The following AIG1 variants were observed in gnomAD, a reference collection of about 807,000 sequenced individuals.
AIG1 encodes the protein androgen-induced gene 1 protein.
In AIG1, 23 loss-of-function variants were observed where a neutral mutation model predicts 31.4. That is an observed-to-expected ratio of 0.73 (90% CI 0.53 to 1.04). AIG1 has a LOEUF of 1.04. Ranked by LOEUF, AIG1 falls within the 50% of genes least tolerant of loss-of-function variation. The pLI is 0.00. For missense variants in AIG1, 274 were observed against 295.0 expected, an observed-to-expected ratio of 0.93 and a Z score of 0.52; for synonymous variants, 100 against 110.5, an observed-to-expected ratio of 0.90 and a Z score of 0.60.
At chr6:143,120,960 A>G (rs1782188997) in intron 1 of AIG1, among the ~76,000 whole-genome samples, 1 of 152,272 alleles carries the variant, frequency 6.6e-6, no homozygotes, top group East Asian at 1.9e-4. Flanking sequence ...TTAATCCACA[A>G]ACAATAGCAT....
At chr6:143,207,860 T>TTCA in intron 3 of AIG1, among the ~76,000 whole-genome samples, 1 of 152,258 alleles carries the variant, frequency 6.6e-6, no homozygotes, top group African/African-American at 2.4e-5. Context: ...ACAGACATAA[T>TTCA]TCATTTTGCC....
intron 2 of AIG1, among the ~76,000 whole-genome samples, chr6:143,140,747 T>G (rs1245193688): frequency 7.2e-5 from 11 of 152,236 alleles, no homozygotes; most frequent in Admixed American, 7.2e-4. Context: ...ATAAAAATGC[T>G]TATCATGTGT....
At position 143,333,808 on chromosome 6, in the gene AIG1, A is replaced by T. The variant is rs1009140626; in HGVS notation, c.679+363A>T. ...GCTAAAGGGACCTCAAATTAAATAG[A>T]TACATTATTAAATGTAACCAATCTC... On this transcript the variant is annotated intron_variant, in intron 5 of 5. Coordinates refer to ENST00000357847, the MANE Select transcript of AIG1 (RefSeq NM_016108.4). This position sits in a 1 kb window ranked among gnomAD's most constrained non-coding sequence, Gnocchi z 4.6. Among the ~76,000 whole-genome samples, 1 of 152,164 alleles carries T rather than the reference A, an allele frequency of 6.6e-6. No individual in the cohort carries two copies. The highest frequency in any genetic ancestry group is 1.5e-5 in the Non-Finnish European group (1 of 68,034).
chr6:143,342,368 C>T (rs566984587), downstream of AIG1: 61 of 678,050 alleles, frequency 9.0e-5, 1 homozygote, highest in African/African-American at 9.6e-4. Context: ...TGCTTAGACG[C>T]AGGTTTAACT....
intron 2 of AIG1, among the ~76,000 whole-genome samples, chr6:143,143,203 TA>T (rs1388375251): frequency 3.3e-5 from 5 of 151,292 alleles, no homozygotes; most frequent in African/African-American, 9.7e-5. Flanking sequence ...AGGGGGAAAT[TA>T]AAAAAAATAA....
At chr6:143,209,325 G>T (rs910170893) in intron 3 of AIG1, among the ~76,000 whole-genome samples, 5 of 152,168 alleles carry the variant, frequency 3.3e-5, no homozygotes, top group African/African-American at 1.2e-4. Flanking sequence ...CCTAATCCCC[G>T]GAACTTGTGA....
chr6:143,188,186 C>T (rs1789447814), intron 3 of AIG1: 1 of 996,440 alleles, frequency 1.0e-6, no homozygotes, highest in Non-Finnish European at 1.2e-6. Flanking sequence ...TCTCTCTTTA[C>T]TCGTAAGCTG....
At chr6:143,157,450 CCT>C (rs1491520441) in intron 2 of AIG1, among the ~76,000 whole-genome samples, 1 of 116,470 alleles carries the variant, frequency 8.6e-6, no homozygotes, top group South Asian at 2.6e-4. Flanking sequence ...TTTTTTTTTT[CCT>C]TTTTTTTTTT....
chr6:143,305,189 A>C (rs1245654018), intron 4 of AIG1, among the ~76,000 whole-genome samples: 6 of 152,110 alleles, frequency 3.9e-5, no homozygotes, highest in Admixed American at 3.9e-4. Flanking sequence ...TCCTGGATTC[A>C]TTAATTTTTT....
chr6:143,308,176 C>T (rs2208818), intron 4 of AIG1, among the ~76,000 whole-genome samples: 59,394 of 152,204 alleles, frequency 0.39, 11,787 homozygotes, highest in Admixed American at 0.47. Context: ...GGCAATGCCT[C>T]GCCCTGCTTC....
intron 2 of AIG1, among the ~76,000 whole-genome samples, chr6:143,154,752 C>CACTGGGGAAA (rs111343285): frequency 0.024 from 3,680 of 152,152 alleles, 109 homozygotes; most frequent in African/African-American, 0.067. Flanking sequence ...AAGATGATAT[C>CACTGGGGAAA]GCTGGGGGAA....
At chr6:143,093,380 G>A (rs1457890129) in intron 1 of AIG1, among the ~76,000 whole-genome samples, 1 of 152,138 alleles carries the variant, frequency 6.6e-6, no homozygotes, top group Non-Finnish European at 1.5e-5. Context: ...ATCCCTCTCA[G>A]CCCTCATAGA....
chr6:143,269,662 A>T (rs903766789), intron 3 of AIG1, among the ~76,000 whole-genome samples: 1 of 152,260 alleles, frequency 6.6e-6, no homozygotes, highest in African/African-American at 2.4e-5. Flanking sequence ...CTACAGCTCC[A>T]CAAGGCAATA....
intron 3 of AIG1, among the ~76,000 whole-genome samples, chr6:143,172,406 G>A (rs942890189): frequency 7.2e-5 from 11 of 152,050 alleles, no homozygotes; most frequent in African/African-American, 2.4e-4. Flanking sequence ...CTTCATCCCT[G>A]GTATAAATCC....
At chr6:143,236,049 G>A (rs1246829684) in intron 3 of AIG1, among the ~76,000 whole-genome samples, 1 of 152,092 alleles carries the variant, frequency 6.6e-6, no homozygotes, top group Non-Finnish European at 1.5e-5. Context: ...AAATATTTTC[G>A]GGTATATATA....
intron 1 of AIG1, among the ~76,000 whole-genome samples, chr6:143,080,598 A>C (rs1460049460): frequency 3.9e-5 from 6 of 152,064 alleles, no homozygotes; most frequent in Admixed American, 3.9e-4. Context: ...GGGTGCAGTG[A>C]GAGTGAAAGG....
intron 3 of AIG1, among the ~76,000 whole-genome samples, chr6:143,224,992 G>A (rs1408492434): frequency 6.6e-6 from 1 of 152,190 alleles, no homozygotes; most frequent in Non-Finnish European, 1.5e-5. Context: ...AAACTCTACA[G>A]CATGGTATTT....
rs1254821042 is a variant in AIG1, at chr6:143,330,593, C to T, written c.516-2689C>T. 1.3e-5 allele frequency among the ~76,000 whole-genome samples: 2 copies of T among 152,130 alleles called. No individual in the cohort carries two copies. ...AGGGCCTTGAAGAACCATCTAGGGA[C>T]TCTGGCTTGTACTCTGAGTGGGAGA... is the stretch of plus-strand genomic sequence containing the variant. On this transcript the variant is annotated intron_variant, in intron 4 of 5. Coordinates refer to ENST00000357847, the MANE Select transcript of AIG1 (RefSeq NM_016108.4). The surrounding 1 kb of genome is among the most constrained non-coding windows in gnomAD (Gnocchi z 4.4).
intron 2 of AIG1, among the ~76,000 whole-genome samples, chr6:143,142,160 C>A (rs1039246721): frequency 2.6e-5 from 4 of 152,100 alleles, no homozygotes; most frequent in African/African-American, 7.2e-5. Flanking sequence ...GCAGCCTAAA[C>A]CCCCTGGGTT....
Sources: allele counts gnomAD v4.1 joint callset (sites outside exome capture counted in the v4.1 genomes callset), GRCh38; gene constraint gnomAD v4.1.1; non-coding constraint Gnocchi (gnomAD v3.1); transcripts MANE v1.5; gene names NCBI Gene and HGNC (gene_info 2026-07-23, HGNC 2026-07-21).